INPP4B: variants seen among roughly 807,000 people sequenced by gnomAD.
INPP4B encodes the protein inositol polyphosphate-4-phosphatase type II B.
In INPP4B, 55 loss-of-function variants were observed where a neutral mutation model predicts 122.5. That is an observed-to-expected ratio of 0.45 (90% CI 0.36 to 0.56). INPP4B has a LOEUF of 0.56. Among genes scored for constraint, INPP4B ranks in the 20% least tolerant of loss-of-function variants. The pLI is 0.00. For missense variants in INPP4B, 1,000 were observed against 1,097.7 expected (o/e 0.91, Z 1.26); for synonymous variants, 403 against 388.7 (o/e 1.04, Z -0.43).
intron 2 of INPP4B, among the ~76,000 whole-genome samples, chr4:142,631,852 AC>A (rs1422105663): frequency 6.6e-6 from 1 of 152,138 alleles, no homozygotes; most frequent in African/African-American, 2.4e-5. Context: ...ATGAAGGTGA[AC>A]AAATTGCAGA....
At position 142,702,301 on chromosome 4, in the gene INPP4B, CTTG is replaced by C. The variant is rs1397625690; in HGVS notation, c.-191+23535_-191+23537del. Among the ~76,000 whole-genome samples, 8 of 152,130 alleles carry C rather than the reference CTTG, an allele frequency of 5.3e-5. No individual in the cohort carries two copies. In the East Asian group the frequency reaches 1.5e-3, roughly 29 times the overall value. ...TTTCTTGTGTGTGGTTCACAGAATT[CTTG>C]TTGATGAGACCCTCTTAAAAATCAT... On this transcript the variant is annotated intron_variant, in intron 2 of 25. Transcript: ENST00000262992.
At position 142,306,887 on chromosome 4, in the gene INPP4B, AAAAGG is replaced by A. The variant is rs551292468; in HGVS notation, c.424-1355_424-1351del. ...GAGACCTCATTTCTAAAAAAGAAAG[AAAAGG>A]AAAGGAAAGGAAAGGATAGGAAAGG... On this transcript the variant is annotated intron_variant, in intron 8 of 25. Transcript: ENST00000262992. 2.6e-3 allele frequency among the ~76,000 whole-genome samples: 399 copies of A among 152,248 alleles called. 2 individuals carry two copies. The highest frequency in any genetic ancestry group is 3.1e-3 in the Non-Finnish European group (210 of 68,018).
intron 2 of INPP4B, among the ~76,000 whole-genome samples, chr4:142,508,879 AG>A (rs1168060945): frequency 6.6e-6 from 1 of 152,196 alleles, no homozygotes; most frequent in African/African-American, 2.4e-5. Flanking sequence ...TGCACAGGGC[AG>A]CCCCTCACTA....
rs1553969027 is a variant in INPP4B at position 142,097,225 on chromosome 4, T to TGTTATTTTATTTTATTTTATTTTATTTTA, written c.2374+10867_2374+10868insTAAAATAAAATAAAATAAAATAAAATAAC. ...TCCATTTTTTGTTTATTTTATGTTA[T>TGTTATTTTATTTTATTTTATTTTATTTTA]TTTTATTTTATTTTATTTTATTTTA... On this transcript the variant is annotated intron_variant, in intron 23 of 25. Transcript: ENST00000262992. 3.1e-3 allele frequency among the ~76,000 whole-genome samples: 419 copies of TGTTATTTTATTTTATTTTATTTTATTTTA among 135,552 alleles called. 10 individuals carry two copies. Among genetic ancestry groups the TGTTATTTTATTTTATTTTATTTTATTTTA allele is most frequent in the African/African-American group, 0.012 (410 of 35,286 alleles). The allele number at this position is 135,552 out of a possible 152,430, so 88.9% of individuals were successfully genotyped here. A position where few individuals can be genotyped will look rare whatever the true frequency, so the allele number is the denominator to read the frequency against.
chr4:142,710,183 G>A (rs1560985288), intron 2 of INPP4B, among the ~76,000 whole-genome samples: 1 of 152,136 alleles, frequency 6.6e-6, no homozygotes, highest in Non-Finnish European at 1.5e-5. Flanking sequence ...CATATTTTTT[G>A]TTGGCAGGAT....
At chr4:142,461,581 A>AT (rs747762845) in intron 3 of INPP4B, among the ~76,000 whole-genome samples, 47 of 152,152 alleles carry the variant, frequency 3.1e-4, no homozygotes, top group African/African-American at 1.1e-3. Context: ...AAGCAATCAG[A>AT]TTTTTTCTGG....
intron 15 of INPP4B, among the ~76,000 whole-genome samples, chr4:142,189,342 A>G (rs1907129): frequency 0.99 from 151,369 of 152,348 alleles, 75,205 homozygotes; most frequent in East Asian, 1. Context: ...GTCAGCAACT[A>G]TATCTGATTT....
At chr4:142,447,001 CG>C (rs1554056143) in intron 3 of INPP4B, among the ~76,000 whole-genome samples, 2 of 152,044 alleles carry the variant, frequency 1.3e-5, no homozygotes, top group Non-Finnish European at 2.9e-5. Context: ...TTTCTTAAAA[CG>C]GGTAATAGGA....
intron 2 of INPP4B, among the ~76,000 whole-genome samples, chr4:142,469,257 A>G (rs762867480): frequency 2.0e-5 from 3 of 152,094 alleles, no homozygotes; most frequent in African/African-American, 7.2e-5. Flanking sequence ...TTCCAAAAGA[A>G]TGCAGCTCCC....
intron 25 of INPP4B, among the ~76,000 whole-genome samples, chr4:142,033,510 AT>A (rs1414025907): frequency 1.3e-5 from 2 of 152,054 alleles, no homozygotes; most frequent in African/African-American, 4.8e-5. Flanking sequence ...TCCTTCACTG[AT>A]CATTAGTGCT....
At chr4:142,370,872 G>T (rs933098641) in intron 7 of INPP4B, among the ~76,000 whole-genome samples, 2 of 152,022 alleles carry the variant, frequency 1.3e-5, no homozygotes, top group Non-Finnish European at 2.9e-5. Context: ...GCAATCTACA[G>T]ATTAAATGCA....
Position 142,628,121 on chromosome 4 carries a change from T to C in INPP4B, c.-191+97718A>G, listed in dbSNP as rs528242586. 7.9e-3 allele frequency among the ~76,000 whole-genome samples: 1,203 copies of C among 151,576 alleles called. 12 individuals are homozygous for C. The highest frequency in any genetic ancestry group is 0.026 in the African/African-American group (1,060 of 41,362). Reference sequence around the variant, plus strand: ...AAAGACACATGCACACGTATGTTTATTGCGGCATTATTCACAATAGCAAAG... The same window carrying C: ...AAAGACACATGCACACGTATGTTTACTGCGGCATTATTCACAATAGCAAAG... On this transcript the variant is annotated intron_variant, in intron 2 of 25. Coordinates refer to ENST00000262992, the MANE Select transcript of INPP4B (RefSeq NM_001101669.3).
intron 2 of INPP4B, among the ~76,000 whole-genome samples, chr4:142,699,896 TTGCC>T (rs1294205305): frequency 6.6e-6 from 1 of 152,156 alleles, no homozygotes; most frequent in Non-Finnish European, 1.5e-5. Context: ...TCAACTCCTC[TTGCC>T]TACTCAAGGG....
chr4:142,694,250 G>A (rs938850611), intron 2 of INPP4B, among the ~76,000 whole-genome samples: 6 of 151,744 alleles, frequency 4.0e-5, no homozygotes, highest in African/African-American at 1.2e-4. Context: ...GTACACGTCT[G>A]TAATCCCAGC....
chr4:142,228,694 C>T (rs985516330), intron 12 of INPP4B, among the ~76,000 whole-genome samples: 5 of 151,524 alleles, frequency 3.3e-5, no homozygotes, highest in Non-Finnish European at 5.9e-5. Flanking sequence ...AGAAAAAATA[C>T]ACATGCAATT....
intron 9 of INPP4B, among the ~76,000 whole-genome samples, chr4:142,277,711 T>C (rs1023092469): frequency 1.8e-4 from 20 of 108,916 alleles, no homozygotes; most frequent in African/African-American, 6.9e-4. Context: ...ACACACACCA[T>C]GGAATACTAC....
At chr4:142,808,885 T>C (rs1047347462) in intron 1 of INPP4B, among the ~76,000 whole-genome samples, 4 of 152,180 alleles carry the variant, frequency 2.6e-5, no homozygotes, top group African/African-American at 9.6e-5. Context: ...AAACAGCTAA[T>C]ATTGTTATCC....
At chr4:142,122,606 A>T (rs981264850) in intron 20 of INPP4B, among the ~76,000 whole-genome samples, 3 of 152,106 alleles carry the variant, frequency 2.0e-5, no homozygotes, top group Non-Finnish European at 1.5e-5. Flanking sequence ...TCACTGACCC[A>T]GGTTCATGCT....
intron 25 of INPP4B, among the ~76,000 whole-genome samples, chr4:142,047,279 GT>G (rs1290213308): frequency 7.3e-6 from 1 of 136,826 alleles, no homozygotes; most frequent in Non-Finnish European, 1.6e-5. Context: ...AAGGGCACCA[GT>G]TTTTTTCTAT....
Sources: gnomAD v4.1 joint callset for allele counts (sites outside exome capture counted in the v4.1 genomes callset) on GRCh38, gnomAD v4.1.1 for gene constraint, MANE v1.5 for transcripts, NCBI Gene and HGNC (gene_info 2026-07-23, HGNC 2026-07-21) for gene names.